The following GUF1 variants were observed in gnomAD, a reference collection of about 807,000 sequenced individuals.
GUF1 encodes GTP binding elongation factor GUF1.
In GUF1, 78 loss-of-function variants were observed where a neutral mutation model predicts 82.4. The ratio of observed to expected loss-of-function variants is 0.95; its 90% CI spans 0.79 to 1.14. The LOEUF (loss-of-function observed/expected upper bound fraction) is 1.14. Among genes scored for constraint, GUF1 ranks in the 50% most tolerant of loss-of-function variants. GUF1 has a pLI of 0.00. For synonymous variants in GUF1, 279 were observed against 282.3 expected, an observed-to-expected ratio of 0.99 and a Z score of 0.12; for missense variants, 814 against 798.2, an observed-to-expected ratio of 1.02 and a Z score of -0.24.
intron 4 of GUF1, 120 bp downstream of exon 4, chr4:44,681,323 GTTAC>G (rs997924023): frequency 4.1e-5 from 28 of 686,934 alleles, no homozygotes; most frequent in African/African-American, 2.0e-4. Flanking sequence ...GATTTAATCT[GTTAC>G]TTACTGAAAA....
At chr4:44,694,368 C>G (rs1715643336) in intron 13 of GUF1, 44 bp from the exon 14 acceptor site, 1 of 1,133,772 alleles carries the variant, frequency 8.8e-7, no homozygotes. Flanking sequence ...AAGGTAATCT[C>G]TCAGGAAGTG....
chr4:44,698,160 T>C (rs188707196), intron 16 of GUF1, among the ~76,000 whole-genome samples: 1 of 152,092 alleles, frequency 6.6e-6, no homozygotes, highest in East Asian at 1.9e-4. Context: ...AGAAAAATTA[T>C]TCTTAAATAT....
At chr4:44,691,400 G>T (rs1409268361) in intron 12 of GUF1, among the ~76,000 whole-genome samples, 1 of 151,672 alleles carries the variant, frequency 6.6e-6, no homozygotes, top group East Asian at 1.9e-4. Flanking sequence ...CTAATTATTT[G>T]TAAAACAAGA....
intron 6 of GUF1, among the ~76,000 whole-genome samples, chr4:44,685,535 T>C (rs1290925823): frequency 6.6e-6 from 1 of 152,096 alleles, no homozygotes; most frequent in African/African-American, 2.4e-5. Flanking sequence ...GTAAGATGCC[T>C]TATGGTTTTA....
chr4:44,681,260 G>T, intron 4 of GUF1, 57 bp downstream of exon 4: 1 of 1,261,748 alleles, frequency 7.9e-7, no homozygotes, highest in Non-Finnish European at 1.1e-6. Flanking sequence ...GTTGTTTCAA[G>T]AGTTTTTCTT....
At chr4:44,697,817 T>C (rs1715934710) in intron 16 of GUF1, among the ~76,000 whole-genome samples, 1 of 152,130 alleles carries the variant, frequency 6.6e-6, no homozygotes, top group Non-Finnish European at 1.5e-5. Context: ...TCTCCTGACA[T>C]TGTTTTGCCA....
In GUF1 at chr4:44,698,557, T is replaced by C. The variant is rs765857799; in HGVS notation, c.1886T>C (p.Ile629Thr). 3 of 1,597,236 alleles carry C rather than the reference T, an allele frequency of 1.9e-6. No homozygotes were observed. Among genetic ancestry groups the C allele is most frequent in the Admixed American group, 1.8e-5 (1 of 55,530 alleles). ...NVLAKCYGGDITRKMKLLKRQ... is the reference protein window; with the variant it reads ...NVLAKCYGGDTTRKMKLLKRQ... ...AATATTTTTCAGTATGGTGGTGATA[T>C]TACCCGAAAAATGAAGCTTTTGAAG... is the stretch of plus-strand genomic sequence containing the variant. Residue 629 changes from isoleucine (I) to threonine (T), a missense_variant, in exon 17 of 17, where the codon ATT becomes ACT. Transcript: ENST00000281543.
intron 11 of GUF1, 110 bp downstream of exon 11, chr4:44,690,085 G>A: frequency 1.5e-6 from 1 of 657,626 alleles, no homozygotes; most frequent in Middle Eastern, 3.3e-4. Flanking sequence ...ACCAATAGCT[G>A]ATTAAGTATT....
chr4:44,681,207 G>A lies in GUF1; in HGVS notation c.507+4G>A, dbSNP rs1231191724. On this transcript the variant is annotated splice_donor_region_variant and intron_variant, in intron 4 of 16. Coordinates refer to ENST00000281543, the MANE Select transcript of GUF1 (RefSeq NM_021927.3). ...ACTTGTGGTTGATGCAAATGAGGTAGGTATTTTTCATTTTGTATGATGTGA... is the reference window on the plus strand; with the variant it reads ...ACTTGTGGTTGATGCAAATGAGGTAAGTATTTTTCATTTTGTATGATGTGA... 6.2e-7 allele frequency: 1 copy of A among 1,600,794 alleles called. No individual in the cohort carries two copies.
chr4:44,698,157 T>A (rs559887076), intron 16 of GUF1, among the ~76,000 whole-genome samples: 2 of 151,952 alleles, frequency 1.3e-5, no homozygotes, highest in East Asian at 3.9e-4. Flanking sequence ...AAAAGAAAAA[T>A]TATTCTTAAA....
At position 44,698,843 on chromosome 4, in the gene GUF1, T is replaced by A; in HGVS notation, c.*162T>A. ...AGTGGGTAGGCAAGAGCTTAGATTTTGAAGCCATGTTGCCTGTTCTCAAAT... is the reference window on the plus strand; with the variant it reads ...AGTGGGTAGGCAAGAGCTTAGATTTAGAAGCCATGTTGCCTGTTCTCAAAT... On this transcript the variant is annotated 3_prime_UTR_variant, in exon 17 of 17. Transcript: ENST00000281543. 1 of 606,354 alleles carries A rather than the reference T, an allele frequency of 1.6e-6. No individual in the cohort carries two copies. The highest frequency in any genetic ancestry group is 2.2e-5 in the South Asian group (1 of 46,474). 37.6% of individuals were successfully genotyped at this position (606,354 alleles called of 1,614,324 possible). A position where few individuals can be genotyped will look rare whatever the true frequency, so the allele number is the denominator to read the frequency against.
intron 16 of GUF1, among the ~76,000 whole-genome samples, chr4:44,697,917 G>C (rs1450002502): frequency 2.0e-5 from 3 of 152,118 alleles, no homozygotes; most frequent in African/African-American, 7.2e-5. Context: ...GGCCAAGATG[G>C]GCAGATCACT....
rs1368089068 is a variant in GUF1, at chr4:44,686,644, A to G, written c.869A>G (p.His290Arg). The change falls in exon 8 of 17, where the codon CAT (histidine) becomes CGT (arginine). Residue 290 changes from histidine (H) to arginine (R), a missense_variant. Transcript: ENST00000281543. Reference sequence around the variant, plus strand: ...AAAGGAGATAAAATTGTATCTGCACATACTCAAAAGACATACGAAGTTAAT... The same window carrying G: ...AAAGGAGATAAAATTGTATCTGCACGTACTCAAAAGACATACGAAGTTAAT... ...VSKGDKIVSA[H>R]TQKTYEVNEV... 2.5e-6 allele frequency: 4 copies of G among 1,612,170 alleles called. No homozygotes were observed. Among genetic ancestry groups the G allele is most frequent in the South Asian group, 1.1e-5 (1 of 91,038 alleles).
chr4:44,685,281 G>A (rs1714982132), intron 6 of GUF1, among the ~76,000 whole-genome samples: 1 of 152,086 alleles, frequency 6.6e-6, no homozygotes, highest in Non-Finnish European at 1.5e-5. Flanking sequence ...GGTAAATGAG[G>A]TGCCCTGGTT....
At chr4:44,680,941 C>G in intron 3 of GUF1, 99 bp downstream of exon 3, 1 of 1,179,070 alleles carries the variant, frequency 8.5e-7, no homozygotes, top group Middle Eastern at 2.4e-4. Flanking sequence ...TATTAAACAT[C>G]TGCCTTTGCT....
At chr4:44,695,505 T>A (rs1715750740) in intron 14 of GUF1, 110 bp from the exon 15 acceptor site, 1 of 735,664 alleles carries the variant, frequency 1.4e-6, no homozygotes, top group African/African-American at 1.8e-5. Flanking sequence ...GTAAGTTCCA[T>A]TTGAACCTCC....
chr4:44,680,836 T>TA lies in GUF1; in HGVS notation c.421dup (p.Thr141AsnfsTer6). On this transcript the variant is annotated frameshift_variant, in exon 3 of 17. Coordinates refer to ENST00000281543, the MANE Select transcript of GUF1 (RefSeq NM_021927.3). LOFTEE classifies it high-confidence loss of function. ...AGCAGTACCTTTTAAATCTCATTGATACACCGGTAAGTTTAATATTAATTT... is the reference window on the plus strand; with the variant it reads ...AGCAGTACCTTTTAAATCTCATTGATAACACCGGTAAGTTTAATATTAATTT... The TA allele has an allele frequency of 6.2e-7, 1 of 1,606,370 alleles. No individual in the cohort carries two copies. Among genetic ancestry groups the TA allele is most frequent in the South Asian group, 1.1e-5 (1 of 89,954 alleles).
chr4:44,680,899 C>A, intron 3 of GUF1, 57 bp downstream of exon 3: 1 of 1,401,538 alleles, frequency 7.1e-7, no homozygotes, highest in Non-Finnish European at 9.9e-7. Flanking sequence ...GTCAGTAGTG[C>A]AAACAGATCC....
intron 13 of GUF1, among the ~76,000 whole-genome samples, chr4:44,692,407 TTTGTTGTTG>T (rs375180952): frequency 4.0e-5 from 6 of 151,606 alleles, no homozygotes; most frequent in Admixed American, 1.3e-4. Context: ...GAGGCTGTTT[TTTGTTGTTG>T]TTGTTGTTGT....
Sources: allele counts gnomAD v4.1 joint callset (sites outside exome capture counted in the v4.1 genomes callset), GRCh38; gene constraint gnomAD v4.1.1; transcripts MANE v1.5; gene names NCBI Gene and HGNC (gene_info 2026-07-23, HGNC 2026-07-21).